EBF1: variants seen among roughly 807,000 people sequenced by gnomAD.
EBF1 encodes transcription factor COE1.
In EBF1, 10 loss-of-function variants were observed where a neutral mutation model predicts 68.4. The ratio of observed to expected loss-of-function variants is 0.15; its 90% CI spans 0.09 to 0.25. The LOEUF (loss-of-function observed/expected upper bound fraction) is 0.25. Ranked by LOEUF, EBF1 falls within the 10% of genes least tolerant of loss-of-function variation. The pLI, the probability that EBF1 is intolerant of heterozygous loss-of-function variation, is 1.00. For missense variants in EBF1, 509 were observed against 794.4 expected (o/e 0.64, Z 4.32); for synonymous variants, 298 against 299.8 (o/e 0.99, Z 0.06).
intron 6 of EBF1, among the ~76,000 whole-genome samples, chr5:159,009,627 A>C (rs1373241008): frequency 6.6e-6 from 1 of 152,128 alleles, no homozygotes; most frequent in East Asian, 1.9e-4. Flanking sequence ...CAAGCAAAAA[A>C]AATTAGCTGG....
chr5:159,089,202 ATAAT>A (rs1267838399), intron 4 of EBF1, among the ~76,000 whole-genome samples: 1 of 152,182 alleles, frequency 6.6e-6, no homozygotes, highest in Non-Finnish European at 1.5e-5. Flanking sequence ...GATATTTAAA[ATAAT>A]TAACTAAAAG....
At chr5:158,952,002 A>G (rs1816117143) in intron 6 of EBF1, among the ~76,000 whole-genome samples, 1 of 152,144 alleles carries the variant, frequency 6.6e-6, no homozygotes, top group Non-Finnish European at 1.5e-5. Flanking sequence ...ACTACCGAGC[A>G]CTCAGGAGTT....
At chr5:159,072,604 G>A (rs920964184) in intron 6 of EBF1, among the ~76,000 whole-genome samples, 3 of 152,166 alleles carry the variant, frequency 2.0e-5, no homozygotes, top group South Asian at 4.2e-4. Context: ...AACCTTCCAG[G>A]CCATTTAACT....
chr5:158,933,232 A>C (rs1398332594), intron 6 of EBF1, among the ~76,000 whole-genome samples: 4 of 152,234 alleles, frequency 2.6e-5, no homozygotes, highest in Non-Finnish European at 5.9e-5. Context: ...TCAAAAAAAA[A>C]AAATGTTTGA....
chr5:158,717,586 A>G (rs556080218), intron 11 of EBF1, among the ~76,000 whole-genome samples: 1 of 152,150 alleles, frequency 6.6e-6, no homozygotes, highest in South Asian at 2.1e-4. Flanking sequence ...TTTCAAACAT[A>G]AGAGTGGATA....
rs962948251 is a variant in EBF1 at position 158,698,120 on chromosome 5, A to G, written c.*991T>C. 9.1e-6 allele frequency: 2 copies of G among 219,652 alleles called. No homozygotes were observed. Among genetic ancestry groups the G allele is most frequent in the Admixed American group, 5.8e-5 (1 of 17,262 alleles). 13.6% of individuals were successfully genotyped at this position (219,652 alleles called of 1,614,324 possible). A position where few individuals can be genotyped will look rare whatever the true frequency, so the allele number is the denominator to read the frequency against. ...TTTTATCAACTTTTGGAAGATAGGTATGAAGTCTGCATTTAGGACGAGTAA... is the reference window on the plus strand; with the variant it reads ...TTTTATCAACTTTTGGAAGATAGGTGTGAAGTCTGCATTTAGGACGAGTAA... On this transcript the variant is annotated 3_prime_UTR_variant, in exon 16 of 16. Transcript: ENST00000313708.
intron 6 of EBF1, among the ~76,000 whole-genome samples, chr5:158,912,492 A>G (rs1583107290): frequency 6.6e-6 from 1 of 152,164 alleles, no homozygotes; most frequent in East Asian, 1.9e-4. Context: ...GATCATAAAA[A>G]TCACCTGAGA....
intron 11 of EBF1, among the ~76,000 whole-genome samples, chr5:158,725,829 G>A (rs918581902): frequency 2.6e-5 from 4 of 152,150 alleles, no homozygotes; most frequent in African/African-American, 9.7e-5. Context: ...TTTTCCATAG[G>A]GGTTTCACGT....
At position 159,045,512 on chromosome 5, in the gene EBF1, C is replaced by T. The variant is rs1202826492; in HGVS notation, c.554+27884G>A. On this transcript the variant is annotated intron_variant, in intron 6 of 15. Coordinates refer to ENST00000313708, the MANE Select transcript of EBF1 (RefSeq NM_024007.5). ...TGCATTAAAAAAAAGATCTGAAACT[C>T]CCAAATTTACTTAACAAATCCACAA... Among the ~76,000 whole-genome samples the T allele has an allele frequency of 3.3e-5, 5 of 151,946 alleles. No individual in the cohort carries two copies. In the East Asian group the frequency reaches 9.6e-4, roughly 29 times the overall value.
chr5:159,035,330 T>TA (rs1769814372), intron 6 of EBF1, among the ~76,000 whole-genome samples: 2 of 151,978 alleles, frequency 1.3e-5, no homozygotes, highest in African/African-American at 4.8e-5. Flanking sequence ...AATAATAAAT[T>TA]AAAAAAACAC....
chr5:158,707,333 T>G (rs1026065422), intron 15 of EBF1, among the ~76,000 whole-genome samples: 1 of 152,254 alleles, frequency 6.6e-6, no homozygotes, highest in Non-Finnish European at 1.5e-5. Flanking sequence ...TCTTAGCAAC[T>G]ATTTTATTTT....
chr5:158,775,227 T>TA (rs557515286), intron 10 of EBF1, among the ~76,000 whole-genome samples: 8 of 152,034 alleles, frequency 5.3e-5, no homozygotes, highest in African/African-American at 1.9e-4. Context: ...TTTTAGTGTT[T>TA]AAAAAAACTC....
intron 10 of EBF1, among the ~76,000 whole-genome samples, chr5:158,765,192 A>T (rs1296078434): frequency 6.6e-6 from 1 of 152,234 alleles, no homozygotes; most frequent in East Asian, 1.9e-4. Context: ...TAACCCTCCT[A>T]TGTCTTCTGA....
intron 6 of EBF1, among the ~76,000 whole-genome samples, chr5:159,071,153 G>T (rs145758315): frequency 2.1e-4 from 32 of 152,268 alleles, no homozygotes; most frequent in Admixed American, 1.6e-3. Flanking sequence ...GAAAACTCAG[G>T]TGCAAATAAA....
At chr5:158,876,840 T>TC (rs1797906389) in intron 6 of EBF1, among the ~76,000 whole-genome samples, 1 of 152,140 alleles carries the variant, frequency 6.6e-6, no homozygotes, top group Admixed American at 6.5e-5. Context: ...CATGATTCTC[T>TC]CCCTTTCTTC....
chr5:159,051,042 A>C (rs927318247), intron 6 of EBF1, among the ~76,000 whole-genome samples: 6 of 152,034 alleles, frequency 3.9e-5, no homozygotes, highest in African/African-American at 1.2e-4. Flanking sequence ...GAAGGGGGGA[A>C]GTGTTAAAGT....
intron 11 of EBF1, among the ~76,000 whole-genome samples, chr5:158,714,802 G>C (rs1407360764): frequency 6.6e-6 from 1 of 152,120 alleles, no homozygotes; most frequent in Admixed American, 6.5e-5. Flanking sequence ...ATTACTGGCA[G>C]TATCTATTTC....
At chr5:158,954,478 T>C (rs1816658620) in intron 6 of EBF1, among the ~76,000 whole-genome samples, 1 of 152,260 alleles carries the variant, frequency 6.6e-6, no homozygotes, top group South Asian at 2.1e-4. Context: ...GTGCCAACAA[T>C]TATTTGCAAT....
chr5:158,728,886 G>C (rs529511343), intron 11 of EBF1, among the ~76,000 whole-genome samples: 1 of 152,166 alleles, frequency 6.6e-6, no homozygotes, highest in African/African-American at 2.4e-5. Context: ...TGGCAACTAT[G>C]GGCCAGATGC....
Sources: gnomAD v4.1 joint callset for allele counts (sites outside exome capture counted in the v4.1 genomes callset) on GRCh38, gnomAD v4.1.1 for gene constraint, MANE v1.5 for transcripts, NCBI Gene and HGNC (gene_info 2026-07-23, HGNC 2026-07-21) for gene names.